Variants in ADGRL2 observed in about 807,000 individuals in gnomAD.
ADGRL2 encodes adhesion G protein-coupled receptor L2.
ADGRL2 carries 44 observed loss-of-function variants against 157.4 expected under a neutral mutation model. That is an observed-to-expected ratio of 0.28 (90% CI 0.22 to 0.36). The LOEUF (loss-of-function observed/expected upper bound fraction) is 0.36, where lower values mean the gene tolerates loss of function less well. Ranked by LOEUF, ADGRL2 falls within the 10% of genes least tolerant of loss-of-function variation. ADGRL2 has a pLI of 1.00. For missense variants in ADGRL2, 1,510 were observed against 1,768.9 expected, an observed-to-expected ratio of 0.85 and a Z score of 2.63; for synonymous variants, 585 against 624.7, an observed-to-expected ratio of 0.94 and a Z score of 0.95.
At chr1:81,859,678 G>C (rs1021940671) in intron 2 of ADGRL2, among the ~76,000 whole-genome samples, 1 of 152,036 alleles carries the variant, frequency 6.6e-6, no homozygotes, top group African/African-American at 2.4e-5. Context: ...AAAGTGCTGG[G>C]ATTACAGGCA....
intron 2 of ADGRL2, among the ~76,000 whole-genome samples, chr1:81,763,235 T>A (rs1032119745): frequency 6.6e-6 from 1 of 151,914 alleles, no homozygotes; most frequent in South Asian, 2.1e-4. Context: ...ATTAGATAAA[T>A]ACGTACATAT....
At chr1:81,814,569 A>G (rs2090195817) in intron 1 of ADGRL2, among the ~76,000 whole-genome samples, 1 of 151,510 alleles carries the variant, frequency 6.6e-6, no homozygotes, top group African/African-American at 2.4e-5. Flanking sequence ...TGCATGTTTT[A>G]ATAACTGTAT....
chr1:81,533,311 G>A (rs545126003), intron 2 of ADGRL2, among the ~76,000 whole-genome samples: 20 of 152,246 alleles, frequency 1.3e-4, no homozygotes, highest in African/African-American at 3.4e-4. Flanking sequence ...CCCATGAGGC[G>A]GAGGTTGCGG....
At chr1:81,914,161 G>A (rs1031501862) in intron 3 of ADGRL2, among the ~76,000 whole-genome samples, 2 of 152,000 alleles carry the variant, frequency 1.3e-5, no homozygotes, top group East Asian at 1.9e-4. Context: ...TCTCGTTGAC[G>A]TACAGTCCTC....
rs1279318743 is a variant in ADGRL2, at chr1:81,654,660, C to CT, written c.-143+73686dup. 3.3e-5 allele frequency among the ~76,000 whole-genome samples: 5 copies of CT among 152,252 alleles called. No individual in the cohort carries two copies. The South Asian group carries it at 8.3e-4, about 25-fold the overall frequency. The stretch of plus-strand genomic sequence containing the variant: ...TTCCTCTGCTTCATCGTCCCTCTGC[C>CT]TTTTTTATGCTAATATTTATTCAAT... On this transcript the variant is annotated intron_variant, in intron 3 of 24. Coordinates refer to the ADGRL2 transcript ENST00000370721.
At chr1:81,812,125 A>G (rs2089935202) in intron 1 of ADGRL2, among the ~76,000 whole-genome samples, 2 of 151,938 alleles carry the variant, frequency 1.3e-5, no homozygotes, top group South Asian at 4.1e-4. Flanking sequence ...TGGATAGTAG[A>G]GTAGTATTTC....
intron 1 of ADGRL2, among the ~76,000 whole-genome samples, chr1:81,366,671 G>A (rs542587555): frequency 6.6e-6 from 1 of 152,236 alleles, no homozygotes; most frequent in South Asian, 2.1e-4. Flanking sequence ...TGTGAATTTA[G>A]CTAATCTTCC....
chr1:81,414,114 ATTC>A (rs1433830090), intron 1 of ADGRL2: 1 of 152,202 alleles, frequency 6.6e-6, no homozygotes, highest in Non-Finnish European at 1.5e-5. Context: ...GCTGTATCAT[ATTC>A]TTGCAAGTCT....
chr1:81,747,252 T>C (rs1156335959), intron 1 of ADGRL2, among the ~76,000 whole-genome samples: 6 of 148,768 alleles, frequency 4.0e-5, no homozygotes, highest in Non-Finnish European at 8.9e-5. Context: ...TGTATATGTG[T>C]GTATATATGT....
At chr1:81,954,420 A>G (rs1049961654) in intron 10 of ADGRL2, among the ~76,000 whole-genome samples, 1 of 152,188 alleles carries the variant, frequency 6.6e-6, no homozygotes, top group African/African-American at 2.4e-5. Flanking sequence ...GTATGTCTCA[A>G]ATGAGCTTCT....
At chr1:81,370,322 C>T (rs1215882179) in intron 1 of ADGRL2, among the ~76,000 whole-genome samples, 1 of 152,048 alleles carries the variant, frequency 6.6e-6, no homozygotes. Flanking sequence ...AAATTCAAAA[C>T]GATTAAATCA....
chr1:81,727,672 C>T (rs951543639), intron 1 of ADGRL2, among the ~76,000 whole-genome samples: 1 of 152,056 alleles, frequency 6.6e-6, no homozygotes, highest in Admixed American at 6.5e-5. Flanking sequence ...ACCTCATGAT[C>T]CGTCCGCCTC....
At chr1:81,795,128 G>A (rs1040034870) in intron 2 of ADGRL2, among the ~76,000 whole-genome samples, 4 of 152,186 alleles carry the variant, frequency 2.6e-5, no homozygotes, top group South Asian at 2.1e-4. Context: ...GCGATGGTCC[G>A]TGGCTGTAAT....
In ADGRL2 at chr1:81,991,313, A is replaced by T; in HGVS notation, c.*168A>T. 1.7e-6 allele frequency: 1 copy of T among 574,146 alleles called. No homozygotes were observed. Among genetic ancestry groups the T allele is most frequent in the Non-Finnish European group, 3.0e-6 (1 of 334,020 alleles). 35.6% of individuals were successfully genotyped at this position (574,146 alleles called of 1,614,324 possible). A position where few individuals can be genotyped will look rare whatever the true frequency, so the allele number is the denominator to read the frequency against. Reference sequence around the variant, plus strand: ...TTGCAGTTCTGTGAATTTTTATAAAACATACAAAAACTTTGTATATACACA... The same window carrying T: ...TTGCAGTTCTGTGAATTTTTATAAATCATACAAAAACTTTGTATATACACA... On this transcript the variant is annotated 3_prime_UTR_variant, in exon 24 of 24. Coordinates refer to ENST00000686636, the MANE Select transcript of ADGRL2 (RefSeq NM_001366006.2).
chr1:81,950,202 T>C lies in ADGRL2; in HGVS notation c.1224T>C (p.Ala408=), dbSNP rs766999470. 6.2e-7 allele frequency: 1 copy of C among 1,613,862 alleles called. No homozygotes were observed. The highest frequency in any genetic ancestry group is 2.2e-5 in the East Asian group (1 of 44,862). The change falls in exon 7 of 24, where the codon GCT becomes GCC. Residue 408 remains alanine (A), a synonymous_variant. Coordinates refer to ENST00000686636, the MANE Select transcript of ADGRL2 (RefSeq NM_001366006.2). The part of the protein sequence containing the change: ...PPDPAQVPTT[A]VTITSSAELF... ...TTTTTTCCATAGTGCCTACCACAGC[T>C]GTGACAATAACTTCTTCAGCTGAGC...
At chr1:81,523,881 G>C (rs1216774950) in intron 2 of ADGRL2, among the ~76,000 whole-genome samples, 1 of 152,002 alleles carries the variant, frequency 6.6e-6, no homozygotes, top group Non-Finnish European at 1.5e-5. Flanking sequence ...AGCGAAGATA[G>C]TGAAACCTCG....
intron 2 of ADGRL2, among the ~76,000 whole-genome samples, chr1:81,553,299 T>C (rs2080195166): frequency 6.6e-6 from 1 of 152,236 alleles, no homozygotes; most frequent in Non-Finnish European, 1.5e-5. Context: ...AAGGGCATTA[T>C]TTACATATAA....
chr1:81,636,891 A>G (rs2082125221), intron 3 of ADGRL2, among the ~76,000 whole-genome samples: 1 of 152,194 alleles, frequency 6.6e-6, no homozygotes, highest in African/African-American at 2.4e-5. Context: ...ATGGGAGTGC[A>G]GTGGCGCGAT....
chr1:81,632,100 T>C (rs2148759500), intron 3 of ADGRL2, among the ~76,000 whole-genome samples: 1 of 152,318 alleles, frequency 6.6e-6, no homozygotes, highest in South Asian at 2.1e-4. Context: ...AAGTACCTAT[T>C]ATGTGTCAGG....
Sources: gnomAD v4.1 joint callset for allele counts (sites outside exome capture counted in the v4.1 genomes callset) on GRCh38, gnomAD v4.1.1 for gene constraint, MANE v1.5 for transcripts, NCBI Gene and HGNC (gene_info 2026-07-23, HGNC 2026-07-21) for gene names.